The following CCDC158 variants were observed in gnomAD, a reference collection of about 807,000 sequenced individuals.
CCDC158 encodes the protein coiled-coil domain-containing protein 158.
A neutral mutation model predicts 138.6 loss-of-function variants in CCDC158; 116 were observed. That is an observed-to-expected ratio of 0.84 (90% CI 0.72 to 0.98). CCDC158 has a LOEUF of 0.98. CCDC158 is among the 50% of genes least tolerant of loss of function. The pLI, the probability that CCDC158 is intolerant of heterozygous loss-of-function variation, is 0.00. For synonymous variants in CCDC158, 436 were observed against 442.4 expected (o/e 0.99, Z 0.18); for missense variants, 1,265 against 1,306.1 (o/e 0.97, Z 0.48).
intron 12 of CCDC158, among the ~76,000 whole-genome samples, chr4:76,362,896 AG>A (rs1463450455): frequency 1.3e-5 from 2 of 152,236 alleles, no homozygotes; most frequent in African/African-American, 4.8e-5. Flanking sequence ...TAATAATAAA[AG>A]CAGGTGAGGG....
chr4:76,414,614 A>AG (rs1262498326), intron 1 of CCDC158, among the ~76,000 whole-genome samples: 1 of 152,204 alleles, frequency 6.6e-6, no homozygotes, highest in Non-Finnish European at 1.5e-5. Flanking sequence ...CGTGTGTGGG[A>AG]GGGACCCAGG....
intron 18 of CCDC158, among the ~76,000 whole-genome samples, chr4:76,341,188 T>C (rs1325959737): frequency 6.6e-6 from 1 of 152,132 alleles, no homozygotes; most frequent in Non-Finnish European, 1.5e-5. Flanking sequence ...TGGCCTTAAG[T>C]CTATTACAGG....
chr4:76,416,024 G>A (rs1360001700), intron 1 of CCDC158, among the ~76,000 whole-genome samples: 1 of 152,208 alleles, frequency 6.6e-6, no homozygotes, highest in East Asian at 1.9e-4. Context: ...CATGCTCCTA[G>A]TCCGCCTTCA....
At chr4:76,315,664 T>C (rs375316525) in intron 24 of CCDC158, among the ~76,000 whole-genome samples, 18 of 152,352 alleles carry the variant, frequency 1.2e-4, no homozygotes, top group East Asian at 5.8e-4. Context: ...CAGTATTTGA[T>C]TAAGCCAGGA....
chr4:76,332,376 C>T (rs1339537875), intron 20 of CCDC158, 56 bp downstream of exon 20: 10 of 1,417,442 alleles, frequency 7.1e-6, no homozygotes, highest in East Asian at 2.3e-5. Flanking sequence ...AATTACAAGG[C>T]CACATATAAA....
intron 4 of CCDC158, among the ~76,000 whole-genome samples, chr4:76,387,378 T>C (rs1336359096): frequency 6.6e-6 from 1 of 152,102 alleles, no homozygotes; most frequent in African/African-American, 2.4e-5. Context: ...GAATCGTTCA[T>C]TACCTGCTGA....
At chr4:76,382,059 G>T (rs1475746902) in intron 8 of CCDC158, among the ~76,000 whole-genome samples, 3 of 152,230 alleles carry the variant, frequency 2.0e-5, no homozygotes, top group Non-Finnish European at 4.4e-5. Flanking sequence ...CATGTGTCAG[G>T]GGAGGGGCCT....
intron 21 of CCDC158, among the ~76,000 whole-genome samples, chr4:76,330,903 T>A (rs1206581452): frequency 6.6e-6 from 1 of 152,160 alleles, no homozygotes; most frequent in Non-Finnish European, 1.5e-5. Flanking sequence ...TGTATTTTGA[T>A]CAGGCAGCAG....
At chr4:76,355,894 G>A (rs527329827) in intron 14 of CCDC158, among the ~76,000 whole-genome samples, 1 of 150,988 alleles carries the variant, frequency 6.6e-6, no homozygotes, top group Admixed American at 6.6e-5. Flanking sequence ...GATTTTTCAA[G>A]AACCTCATAC....
rs1721252363 is a variant in CCDC158 at position 76,334,123 on chromosome 4, G to A, written c.2709C>T (p.Asp903=). 1.9e-6 allele frequency: 3 copies of A among 1,613,280 alleles called. No individual in the cohort carries two copies. In the African/African-American group the frequency reaches 4.0e-5, roughly 22 times the overall value. The change falls in exon 19 of 25, where the codon GAC becomes GAT. Residue 903 remains aspartate (D), a synonymous_variant. Coordinates refer to ENST00000682701, the MANE Select transcript of CCDC158 (RefSeq NM_001394954.1). ...TCAACTCTTGGAGAAGCTGTTTCAG[G>A]TCCCTTGTTGGATCTTCCTTCAGTG... ...ANTLKEDPTR[D]LKQLLQELRS...
chr4:76,332,790 A>G (rs1242991306), intron 19 of CCDC158, among the ~76,000 whole-genome samples: 2 of 152,226 alleles, frequency 1.3e-5, no homozygotes, highest in South Asian at 2.1e-4. Flanking sequence ...TTCACGTTCA[A>G]TACAGTCCAA....
chr4:76,406,374 T>C (rs1184293332), intron 2 of CCDC158, among the ~76,000 whole-genome samples: 1 of 152,104 alleles, frequency 6.6e-6, no homozygotes, highest in Non-Finnish European at 1.5e-5. Context: ...GCAGTAATAA[T>C]GGGAGGCTTT....
chr4:76,374,307 GTTA>G (rs1337303695), intron 9 of CCDC158, among the ~76,000 whole-genome samples: 1 of 152,180 alleles, frequency 6.6e-6, no homozygotes, highest in Non-Finnish European at 1.5e-5. Context: ...CTTCACTTTT[GTTA>G]TTATCAGGAA....
intron 24 of CCDC158, among the ~76,000 whole-genome samples, chr4:76,315,430 G>A (rs1409564870): frequency 1.3e-5 from 2 of 152,214 alleles, no homozygotes; most frequent in African/African-American, 4.8e-5. Flanking sequence ...CTTAGGGCAA[G>A]CTTACATTCC....
At chr4:76,395,193 A>G (rs918729913) in intron 4 of CCDC158, among the ~76,000 whole-genome samples, 3 of 152,182 alleles carry the variant, frequency 2.0e-5, no homozygotes, top group African/African-American at 7.2e-5. Flanking sequence ...GTCTATATAT[A>G]CAACTTCATT....
rs371046538 is a variant in CCDC158, at chr4:76,396,303, T to C, written c.254A>G (p.His85Arg). The C allele has an allele frequency of 1.9e-6, 3 of 1,613,546 alleles. No individual in the cohort carries two copies. In the African/African-American group the frequency reaches 4.0e-5, roughly 22 times the overall value. ...HFERVLEEYS[H>R]QVKDLQRRLN... Reference sequence around the variant, plus strand: ...TCTTCTCTGTAAATCTTTGACTTGATGTGAATATTCTTCCAAAACACGTTC... The same window carrying C: ...TCTTCTCTGTAAATCTTTGACTTGACGTGAATATTCTTCCAAAACACGTTC... The change falls in exon 4 of 25, where the codon CAT becomes CGT. Residue 85 changes from histidine (H) to arginine (R), a missense_variant. His to Arg is a conservative substitution (Grantham distance 29). Coordinates refer to ENST00000682701, the MANE Select transcript of CCDC158 (RefSeq NM_001394954.1).
chr4:76,395,680 A>C (rs1043906249), intron 4 of CCDC158, among the ~76,000 whole-genome samples: 1 of 152,220 alleles, frequency 6.6e-6, no homozygotes. Flanking sequence ...AATGGGTAGC[A>C]TATGAGGCTA....
At chr4:76,409,803 C>A (rs1403639517) in intron 2 of CCDC158, among the ~76,000 whole-genome samples, 1 of 151,636 alleles carries the variant, frequency 6.6e-6, no homozygotes, top group East Asian at 1.9e-4. Flanking sequence ...TGCACTCCAG[C>A]CTGGGTGACA....
chr4:76,393,280 C>T (rs1220870309), intron 4 of CCDC158, among the ~76,000 whole-genome samples: 1 of 151,900 alleles, frequency 6.6e-6, no homozygotes, highest in Non-Finnish European at 1.5e-5. Flanking sequence ...GGCATAAAAA[C>T]AAACACATAG....
Sources: gnomAD v4.1 joint callset for allele counts (sites outside exome capture counted in the v4.1 genomes callset) on GRCh38, gnomAD v4.1.1 for gene constraint, MANE v1.5 for transcripts, NCBI Gene and HGNC (gene_info 2026-07-23, HGNC 2026-07-21) for gene names.